Variants in DMD observed in about 807,000 individuals in gnomAD.
DMD encodes dystrophin, also known as mutant dystrophin.
A neutral mutation model predicts 330.1 loss-of-function variants in DMD; 63 were observed. That is an observed-to-expected ratio of 0.19 (90% CI 0.16 to 0.24). The LOEUF (loss-of-function observed/expected upper bound fraction) is 0.24, where lower values mean the gene tolerates loss of function less well. Ranked by LOEUF, DMD falls within the 10% of genes least tolerant of loss-of-function variation. The pLI is 1.00. For missense variants in DMD, 3,344 were observed against 2,684.1 expected (o/e 1.25, Z -5.43); for synonymous variants, 1,223 against 959.8 (o/e 1.27, Z -5.07).
chrX:32,360,399 G>A (rs1207297363), intron 37 of DMD, among the ~76,000 whole-genome samples: 1 of 111,522 alleles, frequency 9.0e-6, no homozygotes, highest in Non-Finnish European at 1.9e-5. Context: ...GCCCTAAAAT[G>A]GGGTCATTGT....
intron 12 of DMD, among the ~76,000 whole-genome samples, chrX:32,608,163 T>C (rs2056884533): frequency 9.1e-6 from 1 of 110,181 alleles, no homozygotes; most frequent in African/African-American, 3.3e-5. Context: ...TAGAAATACT[T>C]GATTTGTAAA....
intron 2 of DMD, among the ~76,000 whole-genome samples, chrX:32,890,727 A>T (rs1205597217): frequency 8.9e-6 from 1 of 112,207 alleles, no homozygotes; most frequent in Non-Finnish European, 1.9e-5. Context: ...TATGTTGTCC[A>T]GTAAGATAGC....
chrX:33,057,909 C>T (rs976815181), intron 1 of DMD, among the ~76,000 whole-genome samples: 2 of 111,807 alleles, frequency 1.8e-5, no homozygotes, highest in Non-Finnish European at 1.9e-5. Flanking sequence ...GACAAAGTCT[C>T]GCTCTGTCAC....
At chrX:31,432,006 G>A (rs1166419165) in intron 60 of DMD, among the ~76,000 whole-genome samples, 1 of 109,519 alleles carries the variant, frequency 9.1e-6, no homozygotes, top group African/African-American at 3.3e-5. Context: ...ATTGAGACGG[G>A]GTTTTACCAT....
chrX:32,438,213 T>C (rs768741404), intron 29 of DMD, 28 bp downstream of exon 29: 4 of 1,205,620 alleles, frequency 3.3e-6, no homozygotes, highest in Non-Finnish European at 3.4e-6. Context: ...CAAATTAGAT[T>C]AAAGAGATTT....
chrX:32,650,953 G>C (rs904239272), intron 9 of DMD, among the ~76,000 whole-genome samples: 1 of 111,182 alleles, frequency 9.0e-6, no homozygotes, highest in Non-Finnish European at 1.9e-5. Flanking sequence ...AGTAGGATGA[G>C]GAAATGGAAA....
chrX:31,924,656 G>A (rs1454994714), intron 47 of DMD, among the ~76,000 whole-genome samples: 2 of 111,420 alleles, frequency 1.8e-5, no homozygotes, highest in African/African-American at 3.3e-5. Flanking sequence ...CATATTAAAG[G>A]TTTGTTATAT....
chrX:32,779,014 G>A lies in DMD; in HGVS notation c.649+30479C>T, dbSNP rs781280135. On this transcript the variant is annotated intron_variant, in intron 7 of 78. Coordinates refer to ENST00000357033, the MANE Select transcript of DMD (RefSeq NM_004006.3). ...ATATTGAGTATCCAGATTTCACTTT[G>A]TCTCCGATATACTCTAATTCTGGTA... Among the ~76,000 whole-genome samples the A allele has an allele frequency of 7.2e-5, 8 of 111,490 alleles. No individual in the cohort carries two copies. The South Asian group carries it at 3.0e-3, about 42-fold the overall frequency.
intron 44 of DMD, among the ~76,000 whole-genome samples, chrX:32,211,530 T>G (rs1316627797): frequency 2.7e-5 from 3 of 111,762 alleles, no homozygotes; most frequent in Non-Finnish European, 5.7e-5. Context: ...GAAAACCAAT[T>G]AGCTTAACCT....
intron 7 of DMD, among the ~76,000 whole-genome samples, chrX:32,728,059 A>T (rs952258409): frequency 1.8e-5 from 2 of 111,553 alleles, no homozygotes; most frequent in African/African-American, 3.3e-5. Context: ...GACACTCCTC[A>T]GTTAGGCAGG....
intron 50 of DMD, among the ~76,000 whole-genome samples, chrX:31,807,625 T>G (rs1359291411): frequency 8.9e-6 from 1 of 112,150 alleles, no homozygotes; most frequent in Non-Finnish European, 1.9e-5. Context: ...GAGGTTATAG[T>G]ATTAAGCTTC....
intron 55 of DMD, among the ~76,000 whole-genome samples, chrX:31,524,142 G>A (rs1389150303): frequency 1.8e-5 from 2 of 112,074 alleles, no homozygotes; most frequent in Admixed American, 9.4e-5. Flanking sequence ...AAAAAGGCCC[G>A]CTGAGCTGGA....
intron 1 of DMD, among the ~76,000 whole-genome samples, chrX:33,236,821 T>C (rs10284225): frequency 0.12 from 13,600 of 111,135 alleles, 1,240 homozygotes; most frequent in African/African-American, 0.32. Flanking sequence ...ATGGTGAGGC[T>C]AGTGGGGAAG....
intron 48 of DMD, among the ~76,000 whole-genome samples, chrX:31,855,039 GGTCT>G (rs1212741472): frequency 8.9e-6 from 1 of 111,992 alleles, no homozygotes; most frequent in African/African-American, 3.2e-5. Flanking sequence ...GTCTGTTCAC[GGTCT>G]GTATTTTCAG....
intron 47 of DMD, among the ~76,000 whole-genome samples, chrX:31,876,220 A>G (rs2093964736): frequency 8.9e-6 from 1 of 112,773 alleles, no homozygotes; most frequent in African/African-American, 3.2e-5. Flanking sequence ...TTATGATCCC[A>G]CTATCACACA....
chrX:33,049,836 T>C (rs1429584186), intron 1 of DMD, among the ~76,000 whole-genome samples: 1 of 112,029 alleles, frequency 8.9e-6, no homozygotes, highest in East Asian at 2.8e-4. Flanking sequence ...AATATTGAAC[T>C]AATCTAATCA....
chrX:32,719,520 C>A (rs1465854231), intron 7 of DMD, among the ~76,000 whole-genome samples: 1 of 111,028 alleles, frequency 9.0e-6, no homozygotes, highest in African/African-American at 3.3e-5. Flanking sequence ...AAAAGAGAAA[C>A]CTTAGTATTG....
At chrX:32,658,887 T>C (rs1330476550) in intron 9 of DMD, among the ~76,000 whole-genome samples, 1 of 112,125 alleles carries the variant, frequency 8.9e-6, no homozygotes, top group African/African-American at 3.2e-5. Context: ...ATAGGTAGTG[T>C]GTACTTGAAC....
At chrX:31,638,254 G>A (rs1330592288) in intron 54 of DMD, among the ~76,000 whole-genome samples, 1 of 111,642 alleles carries the variant, frequency 9.0e-6, no homozygotes, top group Non-Finnish European at 1.9e-5. Flanking sequence ...AGTACCAAAA[G>A]TGCCTTAAAA....
Sources: allele counts gnomAD v4.1 joint callset (sites outside exome capture counted in the v4.1 genomes callset), GRCh38; gene constraint gnomAD v4.1.1; transcripts MANE v1.5; gene names NCBI Gene and HGNC (gene_info 2026-07-23, HGNC 2026-07-21).